PLA2G4D: variants seen among roughly 807,000 people sequenced by gnomAD.
The protein encoded by PLA2G4D is cytosolic phospholipase A2 delta.
In PLA2G4D, 80 loss-of-function variants were observed where a neutral mutation model predicts 94.4. That is an observed-to-expected ratio of 0.85 (90% CI 0.71 to 1.02). The LOEUF is 1.02. Ranked by LOEUF, PLA2G4D falls within the 50% of genes least tolerant of loss-of-function variation. The pLI is 0.00. For missense variants in PLA2G4D, 1,050 were observed against 1,034.7 expected (o/e 1.01, Z -0.20); for synonymous variants, 438 against 440.9 (o/e 0.99, Z 0.08).
Position 42,081,588 on chromosome 15 carries a change from C to G in PLA2G4D, c.848G>C (p.Gly283Ala), listed in dbSNP as rs1258464969. ...CTGCTCCTCTGCACAGAGATTGAAG[C>G]CCAGGTGCACGGCCAGCTCCTCAGG... is the stretch of plus-strand genomic sequence containing the variant. ...GCPEELAVHL[G>A]FNLCAEEQAF... The change falls in exon 11 of 20, where the codon GGC becomes GCC. Residue 283 changes from glycine to alanine, a missense_variant. Transcript: ENST00000290472. The G allele has an allele frequency of 6.2e-7, 1 of 1,614,186 alleles. No homozygotes were observed. The highest frequency in any genetic ancestry group is 8.5e-7 in the Non-Finnish European group (1 of 1,180,014).
chr15:42,093,309 T>C (rs1164236587), intron 1 of PLA2G4D, among the ~76,000 whole-genome samples: 1 of 152,156 alleles, frequency 6.6e-6, no homozygotes, highest in Non-Finnish European at 1.5e-5. Flanking sequence ...TTGCTGACAC[T>C]TAGGCTTTTG....
At chr15:42,069,045 C>T (rs1889747126) in intron 19 of PLA2G4D, 104 bp from the exon 20 acceptor site, 2 of 922,808 alleles carry the variant, frequency 2.2e-6, no homozygotes, top group Admixed American at 2.4e-5. Context: ...CCCCTGCTTT[C>T]CTCCCAGCTC....
rs775258239 is a variant in PLA2G4D, at chr15:42,086,281, C to A, written c.319G>T (p.Val107Phe). The change falls in exon 4 of 20, where the codon GTT becomes TTT. Residue 107 changes from valine to phenylalanine, a missense_variant. Coordinates refer to ENST00000290472, the MANE Select transcript of PLA2G4D (RefSeq NM_178034.4). ...SVTEDDICFKVLYDISEVLPG... is the reference protein window; with the variant it reads ...SVTEDDICFKFLYDISEVLPG... ...AGGACTTCTGAGATGTCATAGAGAA[C>A]CTTGAAGCAGATGTCATCCTCCGTG... 4.0e-5 allele frequency: 60 copies of A among 1,518,662 alleles called. No individual in the cohort carries two copies. The Middle Eastern group carries it at 7.7e-4, about 20-fold the overall frequency. The allele number at this position is 1,518,662 out of a possible 1,614,324, so 94.1% of individuals were successfully genotyped here. A position where few individuals can be genotyped will look rare whatever the true frequency, so the allele number is the denominator to read the frequency against.
intron 11 of PLA2G4D, 136 bp downstream of exon 11, chr15:42,081,343 G>T: frequency 6.9e-7 from 1 of 1,449,724 alleles, no homozygotes; most frequent in Non-Finnish European, 9.3e-7. Flanking sequence ...GAACCACAAA[G>T]CCCACTCACG....
Position 42,068,493 on chromosome 15 carries a change from C to T in PLA2G4D, c.*222G>A, listed in dbSNP as rs1889727158. On this transcript the variant is annotated 3_prime_UTR_variant, in exon 20 of 20. Transcript: ENST00000290472. ...CTGTCTGGTTGGACCAGCTGTTCTACACACTGGCCTGGCGAAGTTATTTTC... is the reference window on the plus strand; with the variant it reads ...CTGTCTGGTTGGACCAGCTGTTCTATACACTGGCCTGGCGAAGTTATTTTC... 1.2e-5 allele frequency: 7 copies of T among 575,304 alleles called. No individual in the cohort carries two copies. The highest frequency in any genetic ancestry group is 2.2e-5 in the Non-Finnish European group (7 of 321,784). 35.6% of individuals were successfully genotyped at this position (575,304 alleles called of 1,614,324 possible).
Position 42,071,481 on chromosome 15 carries a change from G to T in PLA2G4D, c.1644C>A (p.Ser548=). The change falls in exon 16 of 20, where the codon TCC becomes TCA. Residue 548 remains serine (S), a synonymous_variant. Coordinates refer to ENST00000290472, the MANE Select transcript of PLA2G4D (RefSeq NM_178034.4). The part of the protein sequence containing the change: ...AWYDLTSSGE[S]WKQHIKDKTR... ...TCTTGTCCTTGATGTGCTGTTTCCA[G>T]GACTCCCCAGAACTGGTGAGGTCAT... 1 of 1,613,838 alleles carries T rather than the reference G, an allele frequency of 6.2e-7. No individual in the cohort carries two copies. Among genetic ancestry groups the T allele is most frequent in the Non-Finnish European group, 8.5e-7 (1 of 1,179,846 alleles).
At chr15:42,082,578 C>T (rs893471016) in intron 8 of PLA2G4D, among the ~76,000 whole-genome samples, 189 bp from the exon 9 acceptor site, 3 of 152,046 alleles carry the variant, frequency 2.0e-5, no homozygotes, top group African/African-American at 4.8e-5. Context: ...ATTGTTCTCA[C>T]GGAATAGCAT....
chr15:42,080,899 C>A lies in PLA2G4D; in HGVS notation c.1094+98G>T, dbSNP rs1890022352. On this transcript the variant is annotated intron_variant, in intron 12 of 19. Coordinates refer to ENST00000290472, the MANE Select transcript of PLA2G4D (RefSeq NM_178034.4). ...CGCCCATCAGATCACAATGATCACA[C>A]CTACTTGGCCTCCCCACACAAAGTG... 12 of 1,437,956 alleles carry A rather than the reference C, an allele frequency of 8.3e-6. No individual in the cohort carries two copies. The South Asian group carries it at 1.5e-4, about 18-fold the overall frequency. The allele number at this position is 1,437,956 out of a possible 1,614,324, so 89.1% of individuals were successfully genotyped here.
Position 42,071,889 on chromosome 15 carries a change from A to G in PLA2G4D, c.1458T>C (p.Tyr486=), listed in dbSNP as rs77427109. The change falls in exon 15 of 20, where the codon TAT becomes TAC. Residue 486 remains tyrosine (Y), a synonymous_variant. Transcript: ENST00000290472. The part of the protein sequence containing the change: ...DFKEWVEFSP[Y]EVGFLKYGAF... ...CCCCGTACTTCAGGAAACCGACCTC[A>G]TAGGGGGAGAACTCAACCCACTCTA... 3,097 of 1,614,104 alleles carry G rather than the reference A, an allele frequency of 1.9e-3. 78 individuals carry two copies. The East Asian group carries it at 0.055, about 29-fold the overall frequency.
intron 1 of PLA2G4D, among the ~76,000 whole-genome samples, chr15:42,090,004 G>C (rs1213822665): frequency 6.6e-6 from 1 of 152,126 alleles, no homozygotes; most frequent in African/African-American, 2.4e-5. Flanking sequence ...TAAGATCATC[G>C]CTAACATGGA....
Position 42,072,319 on chromosome 15 carries a change from C to T in PLA2G4D, c.1391G>A (p.Ser464Asn). Residue 464 changes from serine to asparagine, a missense_variant, in exon 14 of 20, where the codon AGC (serine) becomes AAC (asparagine). Physicochemically the swap from Ser to Asn is conservative, Grantham distance 46 (BLOSUM62 1). Transcript: ENST00000290472. Reference protein sequence around the residue: ...RGQNPLPLYLSLNVKENNLET... With the variant: ...RGQNPLPLYLNLNVKENNLET... The stretch of plus-strand genomic sequence containing the variant: ...CAGATTGTTCTCTTTGACATTGAGG[C>T]TCAAGTAGAGGGGCAGAGGGTTCTG... 6.2e-7 allele frequency: 1 copy of T among 1,613,914 alleles called. No individual in the cohort carries two copies.
At position 42,067,649 on chromosome 15, in the gene PLA2G4D, G is replaced by T. The variant is rs1267213310; in HGVS notation, c.*1066C>A. On this transcript the variant is annotated 3_prime_UTR_variant, in exon 20 of 20. Coordinates refer to ENST00000290472, the MANE Select transcript of PLA2G4D (RefSeq NM_178034.4). ...AAACTGCCCCAGGAATGCAAAGTTG[G>T]TTTAATATCCAAAAACCAATTAATG... 6.6e-6 allele frequency: 1 copy of T among 152,026 alleles called. No homozygotes were observed. The highest frequency in any genetic ancestry group is 6.6e-5 in the Admixed American group (1 of 15,252). The allele number at this position is 152,026 out of a possible 1,614,324, so 9.4% of individuals were successfully genotyped here.
In PLA2G4D at chr15:42,092,923, C is replaced by T. The variant is rs112418187; in HGVS notation, c.45+1492G>A. Among the ~76,000 whole-genome samples, 280 of 152,292 alleles carry T rather than the reference C, an allele frequency of 1.8e-3. 3 individuals are homozygous for T. The South Asian group carries it at 0.018, about 10-fold the overall frequency. On this transcript the variant is annotated intron_variant, in intron 1 of 19. Transcript: ENST00000290472. ...AGAGAAATGAGCAGACCCACCCTGT[C>T]GTCTGCTGGCACTGGCGCCCTGTGG...
chr15:42,069,778 G>T, intron 19 of PLA2G4D, 131 bp downstream of exon 19: 1 of 810,226 alleles, frequency 1.2e-6, no homozygotes, highest in Non-Finnish European at 1.8e-6. Flanking sequence ...GCCTGAGTGG[G>T]CCTGGATGGG....
chr15:42,070,625 G>A (rs1889785446), intron 18 of PLA2G4D, 92 bp downstream of exon 18: 1 of 1,393,434 alleles, frequency 7.2e-7, no homozygotes, highest in Non-Finnish European at 9.7e-7. Context: ...CGGGACCCCG[G>A]CGGTGTGGGG....
At chr15:42,076,429 G>C (rs1162188424) in intron 13 of PLA2G4D, among the ~76,000 whole-genome samples, 2 of 152,026 alleles carry the variant, frequency 1.3e-5, no homozygotes, top group East Asian at 3.9e-4. Context: ...AACCATAAAG[G>C]AGAATGATAA....
At chr15:42,089,634 T>A (rs79897861) in intron 1 of PLA2G4D, among the ~76,000 whole-genome samples, 11,582 of 152,224 alleles carry the variant, frequency 0.076, 555 homozygotes, top group Middle Eastern at 0.14. Flanking sequence ...CTCACTCAGA[T>A]TCCACCACTG....
chr15:42,086,194 T>TTGGGGG lies in PLA2G4D; in HGVS notation c.387+18_387+19insCCCCCA. ...GGAAGAAGTGGGGCCCACGGGGACT[T>TTGGGGG]CCCCACCCACCCACCCACCTGGGGA... is the stretch of plus-strand genomic sequence containing the variant. On this transcript the variant is annotated intron_variant, in intron 4 of 19. Coordinates refer to ENST00000290472, the MANE Select transcript of PLA2G4D (RefSeq NM_178034.4). 67 of 1,370,276 alleles carry TTGGGGG rather than the reference T, an allele frequency of 4.9e-5. No individual in the cohort carries two copies. The highest frequency in any genetic ancestry group is 5.8e-5 in the Non-Finnish European group (60 of 1,042,944). 84.9% of individuals were successfully genotyped at this position (1,370,276 alleles called of 1,614,324 possible). A position where few individuals can be genotyped will look rare whatever the true frequency, so the allele number is the denominator to read the frequency against.
chr15:42,083,600 AAG>A, intron 7 of PLA2G4D, 114 bp downstream of exon 7: 1 of 1,309,590 alleles, frequency 7.6e-7, no homozygotes, highest in Non-Finnish European at 1.1e-6. Flanking sequence ...TGTGGGTGAG[AAG>A]AGAGAGGCAA....
Sources: allele counts gnomAD v4.1 joint callset (sites outside exome capture counted in the v4.1 genomes callset), GRCh38; gene constraint gnomAD v4.1.1; transcripts MANE v1.5; gene names NCBI Gene and HGNC (gene_info 2026-07-23, HGNC 2026-07-21).